The following PHYHD1 variants were observed in gnomAD, a reference collection of about 807,000 sequenced individuals.
PHYHD1 encodes the protein phytanoyl-CoA dioxygenase domain containing 1, also known as phytanoyl-CoA dioxygenase domain-containing protein 1.
PHYHD1 carries 42 observed loss-of-function variants against 43.6 expected under a neutral mutation model. The observed-to-expected ratio is 0.96, with a 90% CI of 0.75 to 1.25. The LOEUF is 1.25. Among genes scored for constraint, PHYHD1 ranks in the 50% most tolerant of loss-of-function variants. PHYHD1 has a pLI of 0.00. For synonymous variants in PHYHD1, 139 were observed against 143.6 expected, an observed-to-expected ratio of 0.97 and a Z score of 0.23; for missense variants, 342 against 370.8, an observed-to-expected ratio of 0.92 and a Z score of 0.64.
intron 4 of PHYHD1, among the ~76,000 whole-genome samples, chr9:128,929,972 A>G (rs13287790): frequency 6.6e-6 from 1 of 150,414 alleles, no homozygotes; most frequent in African/African-American, 2.5e-5. Context: ...TACAAAAAAT[A>G]CAAAAAAAAA....
In PHYHD1 at chr9:128,939,777, C is replaced by T. The variant is rs2131119084; in HGVS notation, c.458-592C>T. ...TCAAGCAATTCTTCTGTCTCAGCCT[C>T]CCAAGTAGCTGGGATTACAGGCGCC... On this transcript the variant is annotated intron_variant, in intron 9 of 12. Coordinates refer to ENST00000372592, the MANE Select transcript of PHYHD1 (RefSeq NM_001100876.2). Among the ~76,000 whole-genome samples the T allele has an allele frequency of 1.7e-5, 2 of 120,354 alleles. 1 individual carries two copies. Among genetic ancestry groups the T allele is most frequent in the South Asian group, 5.8e-4 (2 of 3,472 alleles). The allele number at this position is 120,354 out of a possible 152,430, so 79.0% of individuals were successfully genotyped here.
chr9:128,927,524 C>T (rs1841168112), intron 4 of PHYHD1, among the ~76,000 whole-genome samples: 1 of 152,142 alleles, frequency 6.6e-6, no homozygotes, highest in South Asian at 2.1e-4. Context: ...TACAGGCATG[C>T]GCCACCAGGC....
chr9:128,936,309 A>G, intron 6 of PHYHD1, 139 bp from the exon 7 acceptor site: 1 of 1,170,982 alleles, frequency 8.5e-7, no homozygotes, highest in Non-Finnish European at 1.2e-6. Context: ...CCCATTACTC[A>G]GTTGTAAACA....
At chr9:128,936,554 C>T (rs1346849987) in intron 7 of PHYHD1, 29 bp from the exon 8 acceptor site, 17 of 1,607,358 alleles carry the variant, frequency 1.1e-5, no homozygotes, top group Non-Finnish European at 1.4e-5. Flanking sequence ...GTGTGGCAGG[C>T]TGGCAGCATG....
intron 3 of PHYHD1, among the ~76,000 whole-genome samples, chr9:128,925,374 C>T (rs961967658): frequency 5.3e-5 from 8 of 151,596 alleles, no homozygotes; most frequent in Middle Eastern, 3.4e-3. Context: ...TACAGGTGCC[C>T]GCCACCGCAC....
chr9:128,936,328 G>A, intron 6 of PHYHD1, 120 bp from the exon 7 acceptor site: 2 of 1,359,344 alleles, frequency 1.5e-6, no homozygotes, highest in Non-Finnish European at 2.0e-6. Context: ...CAAGCAGAAG[G>A]GTTAATGCCT....
chr9:128,939,886 C>G (rs1239284021), intron 9 of PHYHD1, among the ~76,000 whole-genome samples: 1 of 150,714 alleles, frequency 6.6e-6, no homozygotes, highest in Non-Finnish European at 1.5e-5. Flanking sequence ...AATTCCTGAC[C>G]TCAGGTGATC....
In PHYHD1 at chr9:128,936,657, G is replaced by C; in HGVS notation, c.435+12G>C. The C allele has an allele frequency of 1.3e-6, 2 of 1,551,818 alleles. No homozygotes were observed. The highest frequency in any genetic ancestry group is 1.7e-6 in the Non-Finnish European group (2 of 1,147,066). The stretch of plus-strand genomic sequence containing the variant: ...TGTACATCTTTAAGGTGAGCTCCTT[G>C]TCCTTGCCTCAGTTTACCATCTGTA... On this transcript the variant is annotated intron_variant, in intron 8 of 12. Transcript: ENST00000372592.
At chr9:128,934,395 T>TAAA (rs57287662) in intron 6 of PHYHD1, among the ~76,000 whole-genome samples, 1 of 120,636 alleles carries the variant, frequency 8.3e-6, no homozygotes, top group African/African-American at 3.0e-5. Context: ...GAAACCCTGT[T>TAAA]AAAAAAAAAA....
rs763760334 is a variant in PHYHD1, at chr9:128,927,046, G to T, written c.42G>T (p.Gln14His). ...CTCAAGCCTGCCTGCAGTTCCAACA[G>T]GATGGATTCCTGGTGCTGGAAGGAT... Reference protein sequence around the residue: ...LSPSQLQKFQQDGFLVLEGFL... With the variant: ...LSPSQLQKFQHDGFLVLEGFL... The change falls in exon 4 of 13, where the codon CAG (glutamine) becomes CAT (histidine). Residue 14 changes from glutamine (Q) to histidine (H), a missense_variant. Coordinates refer to ENST00000372592, the MANE Select transcript of PHYHD1 (RefSeq NM_001100876.2). 1.2e-6 allele frequency: 2 copies of T among 1,614,052 alleles called. No individual in the cohort carries two copies. The highest frequency in any genetic ancestry group is 2.7e-5 in the African/African-American group (2 of 74,922).
intron 5 of PHYHD1, 69 bp from the exon 6 acceptor site, chr9:128,933,942 T>C (rs1564541177): frequency 6.2e-7 from 1 of 1,605,646 alleles, no homozygotes; most frequent in East Asian, 2.2e-5. Flanking sequence ...GCTGGAAGCA[T>C]GCTGAAGCCA....
chr9:128,937,844 C>T (rs770445231), intron 9 of PHYHD1, 66 bp downstream of exon 9: 3 of 1,612,196 alleles, frequency 1.9e-6, no homozygotes, highest in Admixed American at 3.3e-5. Flanking sequence ...CAATGGTTCT[C>T]AGATCTTCAG....
In PHYHD1 at chr9:128,922,005, C is replaced by T. The variant is rs1367112871; in HGVS notation, c.-84C>T. Reference sequence around the variant, plus strand: ...GCGCCTGGACTGGGACTCAGCCCAGCTGCTTGGCCTGACCCTCTCACAGCA... The same window carrying T: ...GCGCCTGGACTGGGACTCAGCCCAGTTGCTTGGCCTGACCCTCTCACAGCA... On this transcript the variant is annotated 5_prime_UTR_variant, in exon 2 of 13. Coordinates refer to ENST00000372592, the MANE Select transcript of PHYHD1 (RefSeq NM_001100876.2). The T allele has an allele frequency of 2.5e-6, 1 of 397,306 alleles. No homozygotes were observed. The highest frequency in any genetic ancestry group is 4.5e-5 in the Admixed American group (1 of 22,426). 24.6% of individuals were successfully genotyped at this position (397,306 alleles called of 1,614,324 possible).
Position 128,922,285 on chromosome 9 carries a change from G to A in PHYHD1, c.-39G>A. On this transcript the variant is annotated splice_region_variant and 5_prime_UTR_variant, in exon 3 of 13. Transcript: ENST00000372592. ...CTAAACTTTCTCCTCCCCACCAGGA[G>A]GCCGCGCTTAGAAGCCGCCCAGTGC... is the stretch of plus-strand genomic sequence containing the variant. 6.5e-7 allele frequency: 1 copy of A among 1,549,940 alleles called. No individual in the cohort carries two copies. Among genetic ancestry groups the A allele is most frequent in the South Asian group, 1.2e-5 (1 of 83,902 alleles).
intron 3 of PHYHD1, among the ~76,000 whole-genome samples, chr9:128,924,971 G>GT (rs1201667292): frequency 6.6e-6 from 1 of 152,170 alleles, no homozygotes; most frequent in African/African-American, 2.4e-5. Context: ...ATTCCTAGCT[G>GT]TATTTGTGTA....
intron 4 of PHYHD1, among the ~76,000 whole-genome samples, chr9:128,932,404 G>C (rs1412969721): frequency 3.3e-5 from 5 of 151,638 alleles, no homozygotes; most frequent in Non-Finnish European, 7.4e-5. Flanking sequence ...TTTCGCTCTT[G>C]TTGCCCAGGG....
intron 6 of PHYHD1, among the ~76,000 whole-genome samples, chr9:128,934,941 T>C (rs1052648259): frequency 2.0e-5 from 3 of 152,198 alleles, no homozygotes; most frequent in Admixed American, 6.5e-5. Flanking sequence ...CAGGTGGGCA[T>C]GTGCAGGCTC....
rs776407025 is a variant in PHYHD1, at chr9:128,941,425, C to T, written c.704-20C>T. ...GGATGTGGGGCTGGTAGGTTCCTGA[C>T]CTGCTTGTGTCTCTGCCAGGGGCCC... is the stretch of plus-strand genomic sequence containing the variant. On this transcript the variant is annotated intron_variant, in intron 11 of 12. Transcript: ENST00000372592. The T allele has an allele frequency of 6.2e-7, 1 of 1,611,632 alleles. No homozygotes were observed.
chr9:128,929,805 G>C (rs548858513), intron 4 of PHYHD1, among the ~76,000 whole-genome samples: 1 of 152,060 alleles, frequency 6.6e-6, no homozygotes, highest in South Asian at 2.1e-4. Context: ...TAAAATATTT[G>C]ACATATGCTT....
Sources: allele counts gnomAD v4.1 joint callset (sites outside exome capture counted in the v4.1 genomes callset), GRCh38; gene constraint gnomAD v4.1.1; transcripts MANE v1.5; gene names NCBI Gene and HGNC (gene_info 2026-07-23, HGNC 2026-07-21).